Variants in ATP5PO observed in about 807,000 individuals in gnomAD.
ATP5PO encodes the protein ATP synthase peripheral stalk subunit OSCP, mitochondrial.
ATP5PO carries 14 observed loss-of-function variants against 26.2 expected under a neutral mutation model. That is an observed-to-expected ratio of 0.53 (90% confidence interval 0.35 to 0.83). ATP5PO has a LOEUF of 0.83. Among genes scored for constraint, ATP5PO ranks in the 40% least tolerant of loss-of-function variants. ATP5PO has a pLI of 0.01. For synonymous variants in ATP5PO, 106 were observed against 95.1 expected, an observed-to-expected ratio of 1.12 and a Z score of -0.67; for missense variants, 241 against 258.5, an observed-to-expected ratio of 0.93 and a Z score of 0.46.
At chr21:33,904,249 C>T (rs1177509934) in intron 5 of ATP5PO, among the ~76,000 whole-genome samples, 1 of 152,186 alleles carries the variant, frequency 6.6e-6, no homozygotes, top group African/African-American at 2.4e-5. Flanking sequence ...CCCACTCAGC[C>T]GTTCAAGGAC....
At chr21:33,906,578 A>G in intron 5 of ATP5PO, 1 of 431,710 alleles carries the variant, frequency 2.3e-6, no homozygotes, top group African/African-American at 2.0e-5. Context: ...CACCCAGCAT[A>G]TAGTAGGGTT....
intron 5 of ATP5PO, among the ~76,000 whole-genome samples, chr21:33,905,416 A>C (rs547244495): frequency 1.6e-4 from 24 of 152,222 alleles, no homozygotes; most frequent in African/African-American, 5.5e-4. Flanking sequence ...AAACTCACCT[A>C]AGGCCACATC....
At chr21:33,914,603 C>A in intron 1 of ATP5PO, 103 bp from the exon 2 acceptor site, 2 of 1,074,010 alleles carry the variant, frequency 1.9e-6, no homozygotes, top group Non-Finnish European at 2.8e-6. Flanking sequence ...AAAATCATTA[C>A]TTTTGTCTCT....
At chr21:33,908,957 T>C in intron 4 of ATP5PO, 125 bp downstream of exon 4, 1 of 1,114,824 alleles carries the variant, frequency 9.0e-7, no homozygotes, top group South Asian at 1.9e-5. Flanking sequence ...AGCAGGTTGC[T>C]GTGAGGCCTG....
intron 3 of ATP5PO, among the ~76,000 whole-genome samples, chr21:33,911,656 G>C (rs1038358574): frequency 7.2e-5 from 9 of 125,826 alleles, no homozygotes; most frequent in African/African-American, 1.9e-4. Flanking sequence ...TAGCCCATAA[G>C]CATAGGTTTT....
rs368554888 is a variant in ATP5PO, at chr21:33,909,165, T to C, written c.245A>G (p.Tyr82Cys). The C allele has an allele frequency of 8.7e-6, 14 of 1,613,732 alleles. No individual in the cohort carries two copies. The highest frequency in any genetic ancestry group is 2.7e-5 in the African/African-American group (2 of 74,922). The change falls in exon 4 of 7, where the codon TAT becomes TGT. Residue 82 changes from tyrosine to cysteine, a missense_variant. This residue lies in a region of ATP5PO where 125 missense variants were observed against 108.5 expected (regional missense o/e 1.15). Coordinates refer to ENST00000290299, the MANE Select transcript of ATP5PO (RefSeq NM_001697.3). The part of the protein sequence containing the change: ...PKVAASVLNP[Y>C]VKRSIKVKSL... Reference sequence around the variant, plus strand: ...TTTCACTTTAATGGAACGCTTCACATAGGGATTCAAAACAGAAGCAGCCAC... The same window carrying C: ...TTTCACTTTAATGGAACGCTTCACACAGGGATTCAAAACAGAAGCAGCCAC...
intron 3 of ATP5PO, among the ~76,000 whole-genome samples, chr21:33,911,270 T>C (rs1158015043): frequency 2.0e-5 from 3 of 152,200 alleles, no homozygotes; most frequent in African/African-American, 7.2e-5. Flanking sequence ...TATTCTGCTT[T>C]TCATGTTTAA....
At chr21:33,910,850 C>T (rs138697940) in intron 3 of ATP5PO, among the ~76,000 whole-genome samples, 140 of 152,232 alleles carry the variant, frequency 9.2e-4, no homozygotes, top group African/African-American at 3.1e-3. Context: ...CCTGTTAAGA[C>T]GGAAGTTCCA....
At chr21:33,907,145 G>C in intron 5 of ATP5PO, 196 bp downstream of exon 5, 3 of 563,704 alleles carry the variant, frequency 5.3e-6, no homozygotes, top group East Asian at 5.9e-5. Context: ...ACTGGTTACA[G>C]AAGCACTAAT....
chr21:33,907,221 C>T, intron 5 of ATP5PO, 120 bp downstream of exon 5: 1 of 841,688 alleles, frequency 1.2e-6, no homozygotes, highest in South Asian at 1.7e-5. Flanking sequence ...AAACAAACAT[C>T]CCAGGTGACA....
intron 5 of ATP5PO, among the ~76,000 whole-genome samples, chr21:33,904,991 G>A (rs1987150245): frequency 6.6e-6 from 1 of 152,030 alleles, no homozygotes; most frequent in African/African-American, 2.4e-5. Flanking sequence ...TCCACCCGCT[G>A]CAGTCTCCCA....
At chr21:33,909,846 G>A (rs982235770) in intron 3 of ATP5PO, among the ~76,000 whole-genome samples, 1 of 152,152 alleles carries the variant, frequency 6.6e-6, no homozygotes, top group African/African-American at 2.4e-5. Context: ...GAGAGGAGTC[G>A]TCTGGTTTTC....
intron 3 of ATP5PO, among the ~76,000 whole-genome samples, chr21:33,911,689 G>C (rs1297113755): frequency 1.7e-5 from 1 of 57,596 alleles, no homozygotes; most frequent in Non-Finnish European, 3.4e-5. Context: ...TTTTTTTTGA[G>C]ACGGAGTCTC....
At chr21:33,915,265 T>C (rs1175103628) in intron 1 of ATP5PO, 1 of 171,548 alleles carries the variant, frequency 5.8e-6, no homozygotes, top group African/African-American at 2.4e-5. Context: ...TACCACTTAC[T>C]GACTGAGCAG....
At chr21:33,915,703 GCT>G in intron 1 of ATP5PO, 23 bp downstream of exon 1, 1 of 1,564,930 alleles carries the variant, frequency 6.4e-7, no homozygotes, top group East Asian at 2.4e-5. Flanking sequence ...CCTCCCACTG[GCT>G]CTCAGGACCA....
At chr21:33,906,765 G>C in intron 5 of ATP5PO, 1 of 456,162 alleles carries the variant, frequency 2.2e-6, no homozygotes, top group East Asian at 7.0e-5. Flanking sequence ...AGGCAGGTGG[G>C]TCACTTGAGC....
intron 1 of ATP5PO, 30 bp from the exon 2 acceptor site, chr21:33,914,530 A>G (rs1437614485): frequency 4.4e-6 from 7 of 1,599,008 alleles, no homozygotes; most frequent in Non-Finnish European, 6.0e-6. Context: ...AATAGATCAA[A>G]CAAAATTACT....
chr21:33,915,703 G>A (rs763296469), intron 1 of ATP5PO, 25 bp downstream of exon 1: 12 of 1,564,932 alleles, frequency 7.7e-6, no homozygotes, highest in South Asian at 5.9e-5. Flanking sequence ...CCTCCCACTG[G>A]CTCTCAGGAC....
chr21:33,905,993 G>C (rs1261624237), intron 5 of ATP5PO, among the ~76,000 whole-genome samples: 1 of 151,608 alleles, frequency 6.6e-6, no homozygotes, highest in African/African-American at 2.4e-5. Context: ...GCTTCATGAT[G>C]GGTGACCGTG....
Sources: gnomAD v4.1 joint callset for allele counts (sites outside exome capture counted in the v4.1 genomes callset) on GRCh38, gnomAD v4.1.1 for gene constraint, gnomAD v4.1.1 regional missense constraint, MANE v1.5 for transcripts, NCBI Gene and HGNC (gene_info 2026-07-23, HGNC 2026-07-21) for gene names.